UST: variants seen among roughly 807,000 people sequenced by gnomAD.
UST encodes uronyl 2-sulfotransferase, also known as chondroitin sulfate 2-O-sulfotransferase.
A neutral mutation model predicts 45.6 loss-of-function variants in UST; 21 were observed. That is an observed-to-expected ratio of 0.46 (90% CI 0.33 to 0.66). The LOEUF is 0.66. UST is among the 30% of genes least tolerant of loss of function. The pLI, the probability that UST is intolerant of heterozygous loss-of-function variation, is 0.02. For missense variants in UST, 463 were observed against 512.4 expected (o/e 0.90, Z 0.93); for synonymous variants, 215 against 200.6 (o/e 1.07, Z -0.61).
intron 1 of UST, among the ~76,000 whole-genome samples, chr6:148,783,846 G>T (rs1776687292): frequency 1.3e-5 from 2 of 152,134 alleles, no homozygotes. Context: ...TCCCCAGGGG[G>T]TTGGGGACAG....
intron 7 of UST, among the ~76,000 whole-genome samples, chr6:149,040,171 A>G (rs773233080): frequency 2.0e-4 from 30 of 152,242 alleles, no homozygotes; most frequent in Non-Finnish European, 4.0e-4. Flanking sequence ...TAACAAAGTT[A>G]AGTATTTAAT....
At chr6:148,754,050 A>T (rs1776041825) in intron 1 of UST, among the ~76,000 whole-genome samples, 1 of 148,576 alleles carries the variant, frequency 6.7e-6, no homozygotes, top group Admixed American at 6.8e-5. Flanking sequence ...GCTGGAGTGC[A>T]GTGGCGCGAT....
At chr6:149,045,034 AT>A (rs377676119) in intron 7 of UST, among the ~76,000 whole-genome samples, 2 of 152,014 alleles carry the variant, frequency 1.3e-5, no homozygotes, top group African/African-American at 2.4e-5. Context: ...GATAAGTACC[AT>A]TTTTTTTATT....
At chr6:148,871,124 C>CTCTCTCTCTT (rs1778546532) in intron 1 of UST, among the ~76,000 whole-genome samples, 1 of 147,540 alleles carries the variant, frequency 6.8e-6, no homozygotes, top group Non-Finnish European at 1.5e-5. Flanking sequence ...CTCCCTCTCT[C>CTCTCTCTCTT]TCTCTCTCTC....
At position 148,878,678 on chromosome 6, in the gene UST, A is replaced by G. The variant is rs143188544; in HGVS notation, c.248-8308A>G. Among the ~76,000 whole-genome samples, 104 of 47,414 alleles carry G rather than the reference A, an allele frequency of 2.2e-3. 5 individuals carry two copies. In the South Asian group the frequency reaches 0.069, roughly 31 times the overall value. 31.1% of individuals were successfully genotyped at this position (47,414 alleles called of 152,430 possible). A position where few individuals can be genotyped will look rare whatever the true frequency, so the allele number is the denominator to read the frequency against. Reference sequence around the variant, plus strand: ...TCGTGTATAAGTGCGGGGGTCGTGTATGAGTGCGGGGGTCGTGTGTGAGTG... The same window carrying G: ...TCGTGTATAAGTGCGGGGGTCGTGTGTGAGTGCGGGGGTCGTGTGTGAGTG... On this transcript the variant is annotated intron_variant, in intron 1 of 7. Transcript: ENST00000367463.
In UST at chr6:148,950,149, C is replaced by A. The variant is rs1247465307; in HGVS notation, c.448-3723C>A. Among the ~76,000 whole-genome samples, 6 of 152,206 alleles carry A rather than the reference C, an allele frequency of 3.9e-5. No individual in the cohort carries two copies. The East Asian group carries it at 1.2e-3, about 29-fold the overall frequency. ...TGGTTCTCACACTTTTGTGCCTTAG[C>A]ATCCCTTGGAAGGCTTGGCAAAACA... On this transcript the variant is annotated intron_variant, in intron 3 of 7. Transcript: ENST00000367463.
At chr6:148,765,276 G>C (rs1776301388) in intron 1 of UST, among the ~76,000 whole-genome samples, 1 of 152,064 alleles carries the variant, frequency 6.6e-6, no homozygotes, top group Non-Finnish European at 1.5e-5. Context: ...GTTGGTTGTA[G>C]GTATGTGGCT....
intron 5 of UST, among the ~76,000 whole-genome samples, chr6:149,009,454 G>T (rs1309834625): frequency 6.6e-6 from 1 of 151,356 alleles, no homozygotes; most frequent in African/African-American, 2.4e-5. Flanking sequence ...AGATTAAAAG[G>T]GCCTGCTAAG....
intron 2 of UST, among the ~76,000 whole-genome samples, chr6:148,909,713 T>C (rs13215793): frequency 0.13 from 19,361 of 152,246 alleles, 1,265 homozygotes; most frequent in Middle Eastern, 0.15. Flanking sequence ...AATTGCCAGC[T>C]AGTGCTCCTG....
Position 148,791,116 on chromosome 6 carries a change from A to G in UST, c.247+43439A>G, listed in dbSNP as rs149819830. On this transcript the variant is annotated intron_variant, in intron 1 of 7. Coordinates refer to ENST00000367463, the MANE Select transcript of UST (RefSeq NM_005715.3). ...AGTGCAGTGGTTCTCAACAGAGGTG[A>G]CTTTGTTCTCCAGGTGACATTTGGC... Among the ~76,000 whole-genome samples the G allele has an allele frequency of 2.2e-3, 331 of 152,304 alleles. 1 individual carries two copies. The highest frequency in any genetic ancestry group is 7.7e-3 in the African/African-American group (320 of 41,552).
chr6:149,073,940 C>G lies in UST; in HGVS notation c.1045C>G (p.His349Asp). The G allele has an allele frequency of 6.2e-7, 1 of 1,614,128 alleles. No homozygotes were observed. Among genetic ancestry groups the G allele is most frequent in the Non-Finnish European group, 8.5e-7 (1 of 1,180,014 alleles). ...QRMRYEYEFYHYVKEQFHLLK... is the reference protein window; with the variant it reads ...QRMRYEYEFYDYVKEQFHLLK... ...GATGAGATACGAGTACGAGTTTTAC[C>G]ACTACGTCAAAGAGCAGTTCCACCT... is the stretch of plus-strand genomic sequence containing the variant. Residue 349 changes from histidine to aspartate, a missense_variant, in exon 8 of 8, where the codon CAC (histidine) becomes GAC (aspartate). By Grantham distance (81) the His-to-Asp change is moderately conservative. Coordinates refer to ENST00000367463, the MANE Select transcript of UST (RefSeq NM_005715.3).
chr6:148,767,563 T>C (rs903815005), intron 1 of UST, among the ~76,000 whole-genome samples: 7 of 151,762 alleles, frequency 4.6e-5, no homozygotes, highest in African/African-American at 1.7e-4. Context: ...TACCAAAGTT[T>C]CCTGACATAC....
At chr6:148,897,320 A>C (rs966388710) in intron 2 of UST, among the ~76,000 whole-genome samples, 2 of 151,560 alleles carry the variant, frequency 1.3e-5, no homozygotes, top group Non-Finnish European at 2.9e-5. Flanking sequence ...GGTGTGCACT[A>C]TCATGCCCAG....
intron 7 of UST, among the ~76,000 whole-genome samples, chr6:149,047,583 T>C (rs1487967125): frequency 6.6e-6 from 1 of 151,994 alleles, no homozygotes; most frequent in Non-Finnish European, 1.5e-5. Context: ...GAGGTCAGAG[T>C]TTTTCATTAA....
chr6:148,777,962 A>G (rs1776566974), intron 1 of UST, among the ~76,000 whole-genome samples: 1 of 152,192 alleles, frequency 6.6e-6, no homozygotes, highest in Non-Finnish European at 1.5e-5. Flanking sequence ...AATAGGCTAT[A>G]CCATCTAGCC....
At chr6:148,774,764 A>G (rs1017414515) in intron 1 of UST, among the ~76,000 whole-genome samples, 5 of 152,214 alleles carry the variant, frequency 3.3e-5, no homozygotes, top group African/African-American at 1.2e-4. Flanking sequence ...CACGCCTGTA[A>G]TCCTAGCACT....
intron 1 of UST, among the ~76,000 whole-genome samples, chr6:148,823,969 A>G (rs942848792): frequency 2.6e-5 from 4 of 152,234 alleles, no homozygotes; most frequent in African/African-American, 7.2e-5. Flanking sequence ...GAAAGGATTT[A>G]GGAATCTGAG....
At chr6:148,988,145 A>G (rs1002298723) in intron 5 of UST, among the ~76,000 whole-genome samples, 12 of 152,068 alleles carry the variant, frequency 7.9e-5, no homozygotes, top group Non-Finnish European at 1.3e-4. Flanking sequence ...ATAGCTTGAT[A>G]CAGAGGAGGA....
chr6:148,930,207 G>A (rs1021061866), intron 2 of UST, among the ~76,000 whole-genome samples: 9 of 152,170 alleles, frequency 5.9e-5, no homozygotes, highest in Non-Finnish European at 8.8e-5. Flanking sequence ...TGGTATCAGC[G>A]CAAGCAGTGT....
Sources: gnomAD v4.1 joint callset for allele counts (sites outside exome capture counted in the v4.1 genomes callset) on GRCh38, gnomAD v4.1.1 for gene constraint, MANE v1.5 for transcripts, NCBI Gene and HGNC (gene_info 2026-07-23, HGNC 2026-07-21) for gene names.